The following TCF24 variants were observed in gnomAD, a reference collection of about 807,000 sequenced individuals.
The protein encoded by TCF24 is transcription factor 24.
TCF24 carries 5 observed loss-of-function variants against 9.3 expected under a neutral mutation model. The observed-to-expected ratio is 0.54, with a 90% CI of 0.28 to 1.13. TCF24 has a LOEUF of 1.13. Among genes scored for constraint, TCF24 ranks in the 50% most tolerant of loss-of-function variants. The pLI is 0.09. For synonymous variants in TCF24, 110 were observed against 115.8 expected (o/e 0.95, Z 0.32); for missense variants, 220 against 236.1 (o/e 0.93, Z 0.45).
chr8:66,956,595 G>T (rs1055529444), intron 3 of TCF24, among the ~76,000 whole-genome samples: 1 of 151,092 alleles, frequency 6.6e-6, no homozygotes, highest in African/African-American at 2.4e-5. Context: ...ACTCCTGACC[G>T]CAAGTGACCC....
intron 3 of TCF24, among the ~76,000 whole-genome samples, chr8:66,959,480 G>A (rs943486528): frequency 6.6e-6 from 1 of 152,132 alleles, no homozygotes; most frequent in African/African-American, 2.4e-5. Context: ...GTTAACAGGC[G>A]GTTTCAATTA....
At chr8:66,954,058 G>A (rs1197112848) in intron 3 of TCF24, among the ~76,000 whole-genome samples, 3 of 152,084 alleles carry the variant, frequency 2.0e-5, no homozygotes, top group South Asian at 2.1e-4. Context: ...CCCATAGCTC[G>A]GAATAATTTG....
At chr8:66,959,763 T>A (rs1468233377) in intron 3 of TCF24, among the ~76,000 whole-genome samples, 1 of 152,204 alleles carries the variant, frequency 6.6e-6, no homozygotes, top group Non-Finnish European at 1.5e-5. Context: ...TTTAAAAAAA[T>A]AATCCTTGGC....
At chr8:66,955,498 C>G (rs1814139672) in intron 3 of TCF24, among the ~76,000 whole-genome samples, 1 of 152,062 alleles carries the variant, frequency 6.6e-6, no homozygotes, top group South Asian at 2.1e-4. Flanking sequence ...ACACACAGGC[C>G]AACTGCTAGT....
intron 3 of TCF24, among the ~76,000 whole-genome samples, chr8:66,958,988 T>C (rs1814212687): frequency 6.6e-6 from 1 of 152,234 alleles, no homozygotes; most frequent in African/African-American, 2.4e-5. Flanking sequence ...TTTTCTTTTT[T>C]GAGACAGGGT....
intron 3 of TCF24, among the ~76,000 whole-genome samples, chr8:66,958,110 G>A (rs143797513): frequency 6.6e-6 from 1 of 151,984 alleles, no homozygotes; most frequent in African/African-American, 2.4e-5. Context: ...AAAAAGGCTT[G>A]TAATGATTTT....
intron 3 of TCF24, among the ~76,000 whole-genome samples, chr8:66,949,932 C>T (rs1410969215): frequency 9.1e-4 from 130 of 143,546 alleles, no homozygotes; most frequent in Admixed American, 1.6e-3. Flanking sequence ...TCATGTCCTT[C>T]GCCCACTTTT....
chr8:66,959,617 T>C (rs1327072683), intron 3 of TCF24, among the ~76,000 whole-genome samples: 1 of 152,242 alleles, frequency 6.6e-6, no homozygotes, highest in African/African-American at 2.4e-5. Flanking sequence ...AATATGTTCA[T>C]ATAGGAAAGG....
intron 3 of TCF24, among the ~76,000 whole-genome samples, chr8:66,948,654 A>ACTAACTATCTAT (rs753354852): frequency 2.0e-5 from 3 of 146,532 alleles, no homozygotes; most frequent in African/African-American, 7.6e-5. Context: ...AAAAGTGTCA[A>ACTAACTATCTAT]CTATCTATCT....
chr8:66,948,189 A>T (rs775972179), intron 3 of TCF24, 25 bp from the exon 4 acceptor site: 56 of 1,506,312 alleles, frequency 3.7e-5, no homozygotes, highest in Middle Eastern at 1.7e-4. Context: ...TTCAACAAGA[A>T]TTCAAAAGTT....
At chr8:66,959,559 C>T (rs1346887990) in intron 3 of TCF24, among the ~76,000 whole-genome samples, 1 of 152,186 alleles carries the variant, frequency 6.6e-6, no homozygotes, top group Non-Finnish European at 1.5e-5. Context: ...GAAAATATAA[C>T]ATTCTCACTT....
At chr8:66,956,781 T>G (rs928106646) in intron 3 of TCF24, among the ~76,000 whole-genome samples, 1 of 152,154 alleles carries the variant, frequency 6.6e-6, no homozygotes, top group Non-Finnish European at 1.5e-5. Flanking sequence ...TGTTACAGAC[T>G]GAATGTTTGT....
rs999461781 is a variant in TCF24, at chr8:66,961,383, G to A, written c.383C>T (p.Pro128Leu). The change falls in exon 3 of 4, where the codon CCG becomes CTG. Residue 128 changes from proline (P) to leucine (L), a missense_variant. Physicochemically the swap from Pro to Leu is moderately conservative, Grantham distance 98 (BLOSUM62 -3). Transcript: ENST00000563496. ...GALRGDGYLH[P>L]VKKWPMRSRL... The stretch of plus-strand genomic sequence containing the variant: ...TGCGCCCCGCCCGCTTACCTTGACC[G>A]GGTGCAGGTAGCCATCGCCGCGCAG... The A allele has an allele frequency of 1.3e-6, 2 of 1,493,536 alleles. No homozygotes were observed. The highest frequency in any genetic ancestry group is 1.4e-5 in the African/African-American group (1 of 69,486). The allele number at this position is 1,493,536 out of a possible 1,614,324, so 92.5% of individuals were successfully genotyped here.
chr8:66,948,627 G>A (rs1171435178), intron 3 of TCF24, among the ~76,000 whole-genome samples: 4 of 152,124 alleles, frequency 2.6e-5, no homozygotes, highest in Non-Finnish European at 5.9e-5. Context: ...GTCTATAGAT[G>A]TAAAAGGACC....
At chr8:66,948,695 CTATCTATCTAT>C (rs1211031672) in intron 3 of TCF24, among the ~76,000 whole-genome samples, 3 of 149,830 alleles carry the variant, frequency 2.0e-5, no homozygotes, top group African/African-American at 7.4e-5. Context: ...ATCTATCTAT[CTATCTATCTAT>C]TTTTTTTGAG....
Position 66,961,680 on chromosome 8 carries a change from G to C in TCF24, c.86C>G (p.Pro29Arg). 3 of 1,107,966 alleles carry C rather than the reference G, an allele frequency of 2.7e-6. No homozygotes were observed. The highest frequency in any genetic ancestry group is 3.3e-6 in the Non-Finnish European group (3 of 909,876). 68.6% of individuals were successfully genotyped at this position (1,107,966 alleles called of 1,614,324 possible). A position where few individuals can be genotyped will look rare whatever the true frequency, so the allele number is the denominator to read the frequency against. ...PLAAAIRDSR[P>R]GRTGPGPAGP... ...CGCCGGCCCCGGCCCGGTCCGCCCG[G>C]GACGCGAGTCGCGGATGGCGGCGGC... The change falls in exon 3 of 4, where the codon CCC (proline) becomes CGC (arginine). Residue 29 changes from proline to arginine, a missense_variant. Coordinates refer to ENST00000563496, the MANE Select transcript of TCF24 (RefSeq NM_001193502.2).
At chr8:66,953,417 A>T (rs1249718399) in intron 3 of TCF24, among the ~76,000 whole-genome samples, 33 of 151,376 alleles carry the variant, frequency 2.2e-4, no homozygotes, top group African/African-American at 7.6e-4. Flanking sequence ...AATGTTGAAT[A>T]TTGGCCCCCA....
At chr8:66,948,677 A>G (rs1336559879) in intron 3 of TCF24, among the ~76,000 whole-genome samples, 1 of 150,648 alleles carries the variant, frequency 6.6e-6, no homozygotes, top group Non-Finnish European at 1.5e-5. Flanking sequence ...CTATCTATCT[A>G]TCTATCTATC....
chr8:66,947,976 T>C lies in TCF24; in HGVS notation c.*75A>G, dbSNP rs559926442. 654 of 1,097,868 alleles carry C rather than the reference T, an allele frequency of 6.0e-4. 2 individuals are homozygous for C. The highest frequency in any genetic ancestry group is 5.7e-3 in the Middle Eastern group (28 of 4,892). The allele number at this position is 1,097,868 out of a possible 1,614,324, so 68.0% of individuals were successfully genotyped here. A position where few individuals can be genotyped will look rare whatever the true frequency, so the allele number is the denominator to read the frequency against. On this transcript the variant is annotated 3_prime_UTR_variant, in exon 4 of 4. Transcript: ENST00000563496. The stretch of plus-strand genomic sequence containing the variant: ...TTCAGAAATTTTGTTATGTCTCATA[T>C]AATAAATATAGAATTATGTCATAGT...
Sources: gnomAD v4.1 joint callset for allele counts (sites outside exome capture counted in the v4.1 genomes callset) on GRCh38, gnomAD v4.1.1 for gene constraint, MANE v1.5 for transcripts, NCBI Gene and HGNC (gene_info 2026-07-23, HGNC 2026-07-21) for gene names.